Variants in FAM53A observed in about 807,000 individuals in gnomAD.
FAM53A encodes protein FAM53A.
In FAM53A, 28 loss-of-function variants were observed where a neutral mutation model predicts 26.6. That is an observed-to-expected ratio of 1.05 (90% CI 0.78 to 1.45). The LOEUF (loss-of-function observed/expected upper bound fraction) is 1.45. Ranked by LOEUF, FAM53A falls within the 40% of genes most tolerant of loss-of-function variation. The pLI is 0.00. For missense variants in FAM53A, 650 were observed against 575.8 expected (o/e 1.13, Z -1.32); for synonymous variants, 290 against 253.1 (o/e 1.15, Z -1.38).
At chr4:1,657,187 G>A (rs1003362966) in intron 3 of FAM53A, among the ~76,000 whole-genome samples, 4 of 152,122 alleles carry the variant, frequency 2.6e-5, no homozygotes, top group Admixed American at 6.5e-5. Context: ...GGCTGGGCCC[G>A]CACCCTACAC....
chr4:1,598,651 T>TA, the FAM53A span, among the ~76,000 whole-genome samples: 22 of 151,194 alleles, frequency 1.5e-4, no homozygotes, highest in Non-Finnish European at 2.4e-4. Context: ...AATGTGTCTT[T>TA]AAAAAAAAAG....
chr4:1,616,587 A>C (rs974792171), downstream of FAM53A, among the ~76,000 whole-genome samples: 2 of 152,272 alleles, frequency 1.3e-5, no homozygotes, highest in Admixed American at 1.3e-4. Flanking sequence ...ACATGTTTAA[A>C]AGGCAAAATA....
Position 1,630,191 on chromosome 4 carries a change from G to A in FAM53A, c.432-12080C>T, listed in dbSNP as rs1050745741. Among the ~76,000 whole-genome samples the A allele has an allele frequency of 3.3e-5, 5 of 152,324 alleles. No individual in the cohort carries two copies. Among genetic ancestry groups the A allele is most frequent in the Admixed American group, 1.3e-4 (2 of 15,310 alleles). ...GGTCATCCCCTTCCAAGCTGTCGGA[G>A]CTGCCCACGAGGCAGGTGCACAAGA... On this transcript the variant is annotated intron_variant, in intron 1 of 1. Coordinates refer to the FAM53A transcript ENST00000489029. This position sits in a 1 kb window ranked among gnomAD's most constrained non-coding sequence, Gnocchi z 4.3.
intron 1 of FAM53A, among the ~76,000 whole-genome samples, chr4:1,622,915 G>A (rs1244369380): frequency 3.3e-5 from 5 of 152,242 alleles, no homozygotes; most frequent in African/African-American, 1.2e-4. Context: ...CACGCACACG[G>A]CCAGCATGAA....
downstream of FAM53A, among the ~76,000 whole-genome samples, chr4:1,635,009 G>GACTA (rs1375119490): frequency 2.6e-5 from 4 of 152,106 alleles, no homozygotes; most frequent in Non-Finnish European, 5.9e-5. Flanking sequence ...CTATTTACAG[G>GACTA]TTCTCTTTCT....
intron 4 of FAM53A, chr4:1,644,311 CGG>C (rs1560141450): frequency 6.5e-7 from 1 of 1,535,956 alleles, no homozygotes; most frequent in Admixed American, 2.0e-5. Flanking sequence ...GCCTCGGACG[CGG>C]GACTCGCACT....
At chr4:1,661,814 C>T (rs1254134020) in intron 2 of FAM53A, among the ~76,000 whole-genome samples, 4 of 152,242 alleles carry the variant, frequency 2.6e-5, no homozygotes, top group Non-Finnish European at 5.9e-5. Flanking sequence ...CTAAAAATCA[C>T]GTCATGATTT....
At chr4:1,595,049 G>A in the FAM53A span, among the ~76,000 whole-genome samples, 18 of 152,310 alleles carry the variant, frequency 1.2e-4, 1 homozygote, top group African/African-American at 4.3e-4. Flanking sequence ...CTTGCTCATC[G>A]GGGACCAACC....
chr4:1,581,675 C>T, the FAM53A span, among the ~76,000 whole-genome samples: 9 of 152,316 alleles, frequency 5.9e-5, no homozygotes, highest in African/African-American at 1.7e-4. Context: ...TGGCTCACTG[C>T]GACCTCTGCC....
the FAM53A span, among the ~76,000 whole-genome samples, chr4:1,605,796 C>G: frequency 1.3e-5 from 2 of 152,156 alleles, no homozygotes; most frequent in Admixed American, 1.3e-4. This position sits in a 1 kb window ranked among gnomAD's most constrained non-coding sequence, Gnocchi z 5.7. Flanking sequence ...AGGTTGCTGA[C>G]TGGCGCACCC....
the FAM53A span, among the ~76,000 whole-genome samples, chr4:1,606,133 G>T: frequency 6.6e-6 from 1 of 151,602 alleles, no homozygotes; most frequent in Non-Finnish European, 1.5e-5. Context: ...CCGCCTCCCG[G>T]GTTCACGCCA....
At chr4:1,638,946 G>A (rs533115225), downstream of FAM53A, among the ~76,000 whole-genome samples, 7 of 152,354 alleles carry the variant, frequency 4.6e-5, no homozygotes, top group Admixed American at 1.3e-4. Context: ...TGGACTCAGC[G>A]TAGAGAGTGA....
At chr4:1,680,149 G>A (rs1310445495) in intron 1 of FAM53A, among the ~76,000 whole-genome samples, 6 of 151,214 alleles carry the variant, frequency 4.0e-5, no homozygotes, top group Admixed American at 6.6e-5. Flanking sequence ...GAGAAACCCC[G>A]TCTCTACTAA....
In FAM53A at chr4:1,652,433, AC is replaced by A. The variant is rs574472697; in HGVS notation, c.882+2544del. Reference sequence around the variant, plus strand: ...CACACACACGCCACATACACACCACACATCACACACACACCACCCACCCCAC... The same window carrying A: ...CACACACACGCCACATACACACCACAATCACACACACACCACCCACCCCAC... On this transcript the variant is annotated intron_variant, in intron 4 of 4. Coordinates refer to ENST00000308132, the MANE Select transcript of FAM53A (RefSeq NM_001174070.3). Among the ~76,000 whole-genome samples the A allele has an allele frequency of 1.0e-4, 15 of 146,828 alleles. No individual in the cohort carries two copies. In the East Asian group the frequency reaches 2.9e-3, roughly 28 times the overall value.
intron 1 of FAM53A, among the ~76,000 whole-genome samples, chr4:1,619,666 C>T (rs1021878803): frequency 1.8e-4 from 27 of 152,144 alleles, no homozygotes; most frequent in African/African-American, 6.0e-4. Context: ...ACTCACGCAC[C>T]GGGCACCGGC....
At chr4:1,587,139 A>ACC in the FAM53A span, among the ~76,000 whole-genome samples, 1 of 151,826 alleles carries the variant, frequency 6.6e-6, no homozygotes, top group East Asian at 1.9e-4. Context: ...TTCGATATGA[A>ACC]CCCCTCATCA....
At chr4:1,647,618 C>T (rs1036320640) in intron 4 of FAM53A, among the ~76,000 whole-genome samples, 4 of 152,210 alleles carry the variant, frequency 2.6e-5, no homozygotes, top group Non-Finnish European at 4.4e-5. Flanking sequence ...CCAGGGACGC[C>T]GGACTAGAGC....
the FAM53A span, among the ~76,000 whole-genome samples, chr4:1,579,312 G>A: frequency 6.6e-6 from 1 of 150,830 alleles, no homozygotes; most frequent in African/African-American, 2.4e-5. Flanking sequence ...GGGCCCTGCC[G>A]CTGCGCCCAC....
At chr4:1,678,157 C>A (rs6818586) in intron 1 of FAM53A, among the ~76,000 whole-genome samples, 13,233 of 152,130 alleles carry the variant, frequency 0.087, 1,677 homozygotes, top group African/African-American at 0.28. Flanking sequence ...GAGTTCAAGA[C>A]CAGCCTGGGC....
Sources: gnomAD v4.1 joint callset for allele counts (sites outside exome capture counted in the v4.1 genomes callset) on GRCh38, gnomAD v4.1.1 for gene constraint, Gnocchi (gnomAD v3.1) non-coding constraint, MANE v1.5 for transcripts, NCBI Gene and HGNC (gene_info 2026-07-23, HGNC 2026-07-21) for gene names.